Variants in PARD3 observed in about 807,000 individuals in gnomAD.
The protein encoded by PARD3 is partitioning defective 3 homolog.
Under a neutral mutation model 155.4 loss-of-function variants are expected in PARD3, and 75 were observed. That is an observed-to-expected ratio of 0.48 (90% CI 0.40 to 0.58). PARD3 has a LOEUF of 0.58. PARD3 is among the 20% of genes least tolerant of loss of function. The probability of loss-of-function intolerance (pLI) is 0.00; values close to 1 mark genes in which losing one functional copy is unlikely to be tolerated. For synonymous variants in PARD3, 576 were observed against 610.5 expected, an observed-to-expected ratio of 0.94 and a Z score of 0.83; for missense variants, 1,642 against 1,721.7, an observed-to-expected ratio of 0.95 and a Z score of 0.82.
In PARD3 at chr10:34,686,997, C is replaced by A. The variant is rs547468209; in HGVS notation, c.222+9321G>T. Among the ~76,000 whole-genome samples the A allele has an allele frequency of 5.3e-5, 8 of 151,736 alleles. No individual in the cohort carries two copies. In the South Asian group the frequency reaches 1.7e-3, roughly 32 times the overall value. On this transcript the variant is annotated intron_variant, in intron 2 of 24. Coordinates refer to ENST00000374788, the MANE Select transcript of PARD3 (RefSeq NM_001184785.2). ...CCAAGAGGCAGAGGTTTCAGTGAGC[C>A]GAGACAGCGCCACTGCACTCCAGTC...
chr10:34,269,804 T>A lies in PARD3; in HGVS notation c.3272A>T (p.Asp1091Val). The A allele has an allele frequency of 8.1e-6, 13 of 1,613,990 alleles. No individual in the cohort carries two copies. The highest frequency in any genetic ancestry group is 1.0e-5 in the Non-Finnish European group (12 of 1,179,950). Residue 1091 changes from aspartate (D) to valine (V), a missense_variant, in exon 22 of 25, where the codon GAT becomes GTT. Asp to Val is a radical substitution (Grantham distance 152). Around this residue, in one of 3 missense-constraint regions of PARD3, gnomAD observed 1,529 missense variants for 1,587.3 expected, o/e 0.96. Transcript: ENST00000374788. ...AGAAACTCCCCCATACATTAACTCA[T>A]CATCACAGCCAAATGTCCGATGAAA... is the stretch of plus-strand genomic sequence containing the variant. ...QDFHRTFGCD[D>V]ELMYGGVSSY... is the part of the protein sequence containing the mutation.
intron 5 of PARD3, among the ~76,000 whole-genome samples, chr10:34,442,454 T>A (rs1029830982): frequency 6.6e-6 from 1 of 152,136 alleles, no homozygotes; most frequent in African/African-American, 2.4e-5. Flanking sequence ...TAAGAAAATA[T>A]AGGCACTGAG....
intron 2 of PARD3, among the ~76,000 whole-genome samples, chr10:34,597,800 G>C (rs892956741): frequency 6.6e-6 from 1 of 152,156 alleles, no homozygotes; most frequent in Admixed American, 6.5e-5. Context: ...TGTCCAGTGA[G>C]CTGGGCTGGG....
chr10:34,779,857 G>A (rs554331500), intron 1 of PARD3, among the ~76,000 whole-genome samples: 1 of 152,282 alleles, frequency 6.6e-6, no homozygotes, highest in East Asian at 1.9e-4. Context: ...TCAAGGAGAC[G>A]TGTCCATTTC....
intron 2 of PARD3, among the ~76,000 whole-genome samples, chr10:34,528,566 A>C (rs188421470): frequency 1.3e-5 from 2 of 152,196 alleles, no homozygotes; most frequent in African/African-American, 4.8e-5. Context: ...TTTTCCCCAT[A>C]AATTTCATTT....
intron 24 of PARD3, 101 bp downstream of exon 24, chr10:34,119,512 G>C: frequency 8.2e-7 from 1 of 1,224,130 alleles, no homozygotes; most frequent in Non-Finnish European, 1.1e-6. Flanking sequence ...CCAGGGGCAA[G>C]CTGGAGAGGC....
chr10:34,768,873 C>A (rs372555542), intron 1 of PARD3, among the ~76,000 whole-genome samples: 48 of 152,308 alleles, frequency 3.2e-4, no homozygotes, highest in Middle Eastern at 3.4e-3. Flanking sequence ...GGCATGGTGA[C>A]AGAGCTCTGA....
In PARD3 at chr10:34,503,201, C is replaced by T. The variant is rs74594355; in HGVS notation, c.403+13778G>A. Among the ~76,000 whole-genome samples the T allele has an allele frequency of 3.2e-3, 487 of 152,288 alleles. 5 individuals carry two copies. Among genetic ancestry groups the T allele is most frequent in the African/African-American group, 0.011 (458 of 41,546 alleles). On this transcript the variant is annotated intron_variant, in intron 3 of 24. Transcript: ENST00000374788. ...AGCAATACAATATTCTTTTCCAATT[C>T]ATTAACACAAATTCTGTATTTAAAA...
chr10:34,154,379 G>A (rs1948903539), intron 22 of PARD3, among the ~76,000 whole-genome samples: 1 of 152,092 alleles, frequency 6.6e-6, no homozygotes, highest in Non-Finnish European at 1.5e-5. Flanking sequence ...AAGAAATGCT[G>A]CAAATTTAGC....
chr10:34,800,675 G>A (rs562378292), intron 1 of PARD3, among the ~76,000 whole-genome samples: 3 of 152,014 alleles, frequency 2.0e-5, no homozygotes, highest in African/African-American at 7.2e-5. Flanking sequence ...CTGTCTCCTG[G>A]ATCTCCTCCT....
intron 20 of PARD3, among the ~76,000 whole-genome samples, chr10:34,312,025 T>C (rs1206886586): frequency 6.6e-6 from 1 of 152,022 alleles, no homozygotes; most frequent in Non-Finnish European, 1.5e-5. Context: ...TAATATCCAA[T>C]GGGTGTGTGC....
chr10:34,224,878 A>G (rs1419165651), intron 22 of PARD3, among the ~76,000 whole-genome samples: 2 of 152,208 alleles, frequency 1.3e-5, no homozygotes, highest in Non-Finnish European at 2.9e-5. Context: ...TATCTCAAAA[A>G]GCTACAAAGC....
At chr10:34,719,191 C>T (rs2094566831) in intron 1 of PARD3, among the ~76,000 whole-genome samples, 1 of 152,074 alleles carries the variant, frequency 6.6e-6, no homozygotes, top group South Asian at 2.1e-4. Context: ...AGCTAGTGCT[C>T]GAATCCTAAC....
chr10:34,399,844 T>G (rs1455050146), intron 6 of PARD3, among the ~76,000 whole-genome samples: 1 of 152,204 alleles, frequency 6.6e-6, no homozygotes, highest in Non-Finnish European at 1.5e-5. Context: ...TACCAAGGAC[T>G]CTAAAGATTA....
At chr10:34,261,807 AAGAAAGAAAGAAAGAAAG>A (rs1955022908) in intron 22 of PARD3, among the ~76,000 whole-genome samples, 3 of 149,656 alleles carry the variant, frequency 2.0e-5, no homozygotes, top group Non-Finnish European at 4.5e-5. Flanking sequence ...GAAAGAAAGA[AAGAAAGAAAGAAAGAAAG>A]AAACAAACAA....
At chr10:34,344,956 T>C in intron 15 of PARD3, 1 of 985,392 alleles carries the variant, frequency 1.0e-6, no homozygotes, top group Non-Finnish European at 1.2e-6. Context: ...CTGGAGTATG[T>C]GGTTTGAAGG....
chr10:34,653,898 C>A (rs1040865493), intron 2 of PARD3, among the ~76,000 whole-genome samples: 3 of 151,818 alleles, frequency 2.0e-5, no homozygotes, highest in Non-Finnish European at 4.4e-5. Context: ...AGATTTTGCT[C>A]TTTTTGACTT....
At chr10:34,363,017 A>G (rs1839606491) in intron 12 of PARD3, among the ~76,000 whole-genome samples, 1 of 152,224 alleles carries the variant, frequency 6.6e-6, no homozygotes, top group South Asian at 2.1e-4. Context: ...AAAAAATGGA[A>G]AACAAGAATA....
chr10:34,691,234 C>T (rs975786866), intron 2 of PARD3, among the ~76,000 whole-genome samples: 9 of 152,194 alleles, frequency 5.9e-5, no homozygotes, highest in African/African-American at 2.2e-4. Context: ...TGATAAACAA[C>T]TTCAGCAAAG....
Sources: allele counts gnomAD v4.1 joint callset (sites outside exome capture counted in the v4.1 genomes callset), GRCh38; gene constraint gnomAD v4.1.1; regional missense constraint gnomAD v4.1.1; transcripts MANE v1.5; gene names NCBI Gene and HGNC (gene_info 2026-07-23, HGNC 2026-07-21).